The following FGFR1OP2 variants were observed in gnomAD, a reference collection of about 807,000 sequenced individuals.
The protein encoded by FGFR1OP2 is fibroblast growth factor receptor 1 oncogene partner 2.
FGFR1OP2 carries 17 observed loss-of-function variants against 35.2 expected under a neutral mutation model. The observed-to-expected ratio is 0.48, with a 90% CI of 0.33 to 0.73. The LOEUF is 0.73. Among genes scored for constraint, FGFR1OP2 ranks in the 30% least tolerant of loss-of-function variants. The probability of loss-of-function intolerance (pLI) is 0.02; values close to 1 mark genes in which losing one functional copy is unlikely to be tolerated. For synonymous variants in FGFR1OP2, 105 were observed against 104.6 expected (o/e 1.00, Z -0.03); for missense variants, 251 against 307.3 (o/e 0.82, Z 1.37).
Position 26,943,694 on chromosome 12 carries a change from G to A in FGFR1OP2, c.-15+4984G>A, listed in dbSNP as rs544266820. ...ACAAAAATTAGCTGGGCGTGGTGGC[G>A]CACGCTTGTAATCTCAGCTACTCTG... On this transcript the variant is annotated intron_variant, in intron 1 of 6. Coordinates refer to ENST00000229395, the MANE Select transcript of FGFR1OP2 (RefSeq NM_015633.3). Among the ~76,000 whole-genome samples, 373 of 152,140 alleles carry A rather than the reference G, an allele frequency of 2.5e-3. 1 individual carries two copies. The highest frequency in any genetic ancestry group is 8.1e-3 in the South Asian group (39 of 4,808).
At position 26,963,369 on chromosome 12, in the gene FGFR1OP2, A is replaced by G; in HGVS notation, c.538A>G (p.Thr180Ala). The G allele has an allele frequency of 6.2e-7, 1 of 1,609,626 alleles. No individual in the cohort carries two copies. The highest frequency in any genetic ancestry group is 8.5e-7 in the Non-Finnish European group (1 of 1,177,222). ...ACTGCAAGCACATGTTGACCAGATA[A>G]CTGAAATGGCAGCAGTAATGAGGAA... ...NELQAHVDQI[T>A]EMAAVMRKAI... Residue 180 changes from threonine (T) to alanine (A), a missense_variant, in exon 6 of 7, where the codon ACT becomes GCT. By Grantham distance (58) the Thr-to-Ala change is moderately conservative. Coordinates refer to ENST00000229395, the MANE Select transcript of FGFR1OP2 (RefSeq NM_015633.3).
At chr12:26,941,430 G>A (rs1306439411) in intron 1 of FGFR1OP2, among the ~76,000 whole-genome samples, 2 of 152,138 alleles carry the variant, frequency 1.3e-5, no homozygotes, top group African/African-American at 4.8e-5. Context: ...AAATGAACAT[G>A]CAAATTCTTA....
intron 1 of FGFR1OP2, among the ~76,000 whole-genome samples, chr12:26,943,025 C>T (rs1248468256): frequency 5.9e-5 from 9 of 152,064 alleles, no homozygotes; most frequent in Non-Finnish European, 5.9e-5. Flanking sequence ...TTGCCTAACC[C>T]CAGGTCACAA....
At chr12:26,949,287 C>T (rs766214141) in intron 1 of FGFR1OP2, among the ~76,000 whole-genome samples, 2 of 151,998 alleles carry the variant, frequency 1.3e-5, no homozygotes, top group Non-Finnish European at 2.9e-5. Context: ...AGGCTTGCAC[C>T]ACCACGCCCT....
intron 5 of FGFR1OP2, 142 bp downstream of exon 5, chr12:26,960,770 C>T: frequency 7.8e-7 from 1 of 1,289,732 alleles, no homozygotes. Flanking sequence ...CTTTAATAGC[C>T]ATGCTGTTCA....
Position 26,958,106 on chromosome 12 carries a change from A to G in FGFR1OP2, c.396+363A>G, listed in dbSNP as rs555800412. ...CTGGGCATGGTGGCTTACGCCTATA[A>G]TCCCAGCACTTTGGGAGGCCAAGGC... On this transcript the variant is annotated intron_variant, in intron 4 of 6. Coordinates refer to ENST00000229395, the MANE Select transcript of FGFR1OP2 (RefSeq NM_015633.3). 24 of 162,728 alleles carry G rather than the reference A, an allele frequency of 1.5e-4. No individual in the cohort carries two copies. The South Asian group carries it at 3.7e-3, about 25-fold the overall frequency. 10.1% of individuals were successfully genotyped at this position (162,728 alleles called of 1,614,324 possible). A position where few individuals can be genotyped will look rare whatever the true frequency, so the allele number is the denominator to read the frequency against.
chr12:26,957,481 A>T, intron 3 of FGFR1OP2, 120 bp from the exon 4 acceptor site: 6 of 810,180 alleles, frequency 7.4e-6, no homozygotes, highest in Non-Finnish European at 1.2e-5. Context: ...TTATATGGCT[A>T]GATTTTTGTG....
chr12:26,943,818 ACT>A (rs1300450151), intron 1 of FGFR1OP2, among the ~76,000 whole-genome samples: 1 of 151,796 alleles, frequency 6.6e-6, no homozygotes, highest in Admixed American at 6.6e-5. Context: ...ACAGACTAAG[ACT>A]CTGTCTCAAA....
chr12:26,941,120 A>G (rs943475109), intron 1 of FGFR1OP2, among the ~76,000 whole-genome samples: 1 of 152,168 alleles, frequency 6.6e-6, no homozygotes, highest in East Asian at 1.9e-4. Context: ...TGCTAAAAAA[A>G]AAAAGAGATT....
intron 1 of FGFR1OP2, among the ~76,000 whole-genome samples, chr12:26,946,047 G>T (rs1381563372): frequency 6.6e-6 from 1 of 152,132 alleles, no homozygotes; most frequent in East Asian, 1.9e-4. Context: ...AGTGGATGCT[G>T]TTCATTTTGC....
intron 1 of FGFR1OP2, among the ~76,000 whole-genome samples, chr12:26,942,267 G>A (rs771885274): frequency 1.3e-5 from 2 of 152,166 alleles, no homozygotes; most frequent in Admixed American, 6.5e-5. Flanking sequence ...TCCTGACCTC[G>A]TGATCCACCC....
chr12:26,957,843 G>A lies in FGFR1OP2; in HGVS notation c.396+100G>A, dbSNP rs892143976. 13 of 987,684 alleles carry A rather than the reference G, an allele frequency of 1.3e-5. No individual in the cohort carries two copies. The African/African-American group carries it at 2.2e-4, about 17-fold the overall frequency. The allele number at this position is 987,684 out of a possible 1,614,324, so 61.2% of individuals were successfully genotyped here. ...AAAAAAATCACAGGTATCTAGTAAT[G>A]GCATTTTAACATGATGTTGAATGTT... On this transcript the variant is annotated intron_variant, in intron 4 of 6. Coordinates refer to ENST00000229395, the MANE Select transcript of FGFR1OP2 (RefSeq NM_015633.3).
intron 5 of FGFR1OP2, chr12:26,961,876 G>T (rs1395556537): frequency 2.0e-5 from 3 of 152,216 alleles, no homozygotes; most frequent in Non-Finnish European, 4.4e-5. Flanking sequence ...CAGCTGCAAT[G>T]ATCTGTACTT....
intron 4 of FGFR1OP2, among the ~76,000 whole-genome samples, chr12:26,959,275 A>T (rs1190320444): frequency 6.6e-6 from 1 of 152,138 alleles, no homozygotes; most frequent in Non-Finnish European, 1.5e-5. Context: ...TCTTTTGAAT[A>T]CAAAATTTAA....
chr12:26,951,463 G>A (rs1330795900), intron 1 of FGFR1OP2, among the ~76,000 whole-genome samples: 1 of 152,156 alleles, frequency 6.6e-6, no homozygotes, highest in African/African-American at 2.4e-5. Context: ...GGTATCACAG[G>A]TGTGTGCCAC....
At chr12:26,960,718 T>C in intron 5 of FGFR1OP2, 90 bp downstream of exon 5, 2 of 1,473,302 alleles carry the variant, frequency 1.4e-6, no homozygotes, top group East Asian at 2.5e-5. Flanking sequence ...CCTCCCAGAT[T>C]AGATCAGCAA....
At chr12:26,964,316 A>C (rs1939142596) in intron 6 of FGFR1OP2, among the ~76,000 whole-genome samples, 1 of 152,132 alleles carries the variant, frequency 6.6e-6, no homozygotes, top group East Asian at 1.9e-4. Flanking sequence ...CTCTAATGTG[A>C]TTGTAAAATA....
At chr12:26,948,539 G>A (rs532927986) in intron 1 of FGFR1OP2, among the ~76,000 whole-genome samples, 29 of 152,228 alleles carry the variant, frequency 1.9e-4, no homozygotes, top group South Asian at 1.0e-3. Context: ...TGAGTAATAT[G>A]TCATTTTTCT....
At position 26,965,136 on chromosome 12, in the gene FGFR1OP2, A is replaced by C. The variant is rs1167817667; in HGVS notation, c.*403A>C. 1 of 156,414 alleles carries C rather than the reference A, an allele frequency of 6.4e-6. No individual in the cohort carries two copies. Among genetic ancestry groups the C allele is most frequent in the Admixed American group, 6.3e-5 (1 of 15,884 alleles). 9.7% of individuals were successfully genotyped at this position (156,414 alleles called of 1,614,324 possible). Reference sequence around the variant, plus strand: ...TTGTGAACGGAGGATTTGTACGCTAAATTTCATCCTTATTTGGCGTCAAAG... The same window carrying C: ...TTGTGAACGGAGGATTTGTACGCTACATTTCATCCTTATTTGGCGTCAAAG... On this transcript the variant is annotated 3_prime_UTR_variant, in exon 7 of 7. Coordinates refer to ENST00000229395, the MANE Select transcript of FGFR1OP2 (RefSeq NM_015633.3).
Sources: allele counts gnomAD v4.1 joint callset (sites outside exome capture counted in the v4.1 genomes callset), GRCh38; gene constraint gnomAD v4.1.1; transcripts MANE v1.5; gene names NCBI Gene and HGNC (gene_info 2026-07-23, HGNC 2026-07-21).